DLG2: variants seen among roughly 807,000 people sequenced by gnomAD.
DLG2 encodes discs large MAGUK scaffold protein 2.
A neutral mutation model predicts 132.5 loss-of-function variants in DLG2; 45 were observed. That is an observed-to-expected ratio of 0.34 (90% CI 0.27 to 0.44). DLG2 has a LOEUF of 0.44. DLG2 is among the 20% of genes least tolerant of loss of function. The pLI, the probability that DLG2 is intolerant of heterozygous loss-of-function variation, is 1.00. For synonymous variants in DLG2, 424 were observed against 419.6 expected (o/e 1.01, Z -0.13); for missense variants, 1,045 against 1,196.9 (o/e 0.87, Z 1.87).
intron 6 of DLG2, among the ~76,000 whole-genome samples, chr11:84,714,599 TTCTCTTTCTC>T (rs2060910966): frequency 1.2e-5 from 1 of 83,554 alleles, no homozygotes; most frequent in Non-Finnish European, 2.3e-5. Flanking sequence ...TTCTCTTTCT[TTCTCTTTCTC>T]TTTCTCTTTC....
At chr11:84,513,468 G>C (rs1051370405) in intron 7 of DLG2, among the ~76,000 whole-genome samples, 1 of 151,932 alleles carries the variant, frequency 6.6e-6, no homozygotes, top group Admixed American at 6.6e-5. Context: ...AAAAAAGCAT[G>C]GTATTGGCAT....
At chr11:85,070,357 T>C (rs1372300717) in intron 6 of DLG2, among the ~76,000 whole-genome samples, 1 of 151,188 alleles carries the variant, frequency 6.6e-6, no homozygotes, top group African/African-American at 2.4e-5. Context: ...TACACTCTTA[T>C]ATTGACTGCA....
chr11:84,732,311 A>T (rs953902569), intron 6 of DLG2, among the ~76,000 whole-genome samples: 2 of 151,988 alleles, frequency 1.3e-5, no homozygotes, highest in African/African-American at 4.8e-5. Context: ...AACCTGATGA[A>T]TATGTGTTTA....
intron 19 of DLG2, among the ~76,000 whole-genome samples, chr11:83,601,619 CT>C (rs1216459604): frequency 1.5e-5 from 2 of 134,234 alleles, no homozygotes; most frequent in Non-Finnish European, 3.1e-5. Context: ...TTAAACCATT[CT>C]TCCACCTCGG....
intron 11 of DLG2, among the ~76,000 whole-genome samples, chr11:83,989,355 AG>A (rs2093568335): frequency 2.6e-5 from 4 of 152,178 alleles, no homozygotes; most frequent in African/African-American, 9.6e-5. Flanking sequence ...TTTGTAATAA[AG>A]GAGTAAGTAT....
intron 7 of DLG2, among the ~76,000 whole-genome samples, chr11:84,255,174 T>G (rs910923720): frequency 6.6e-6 from 1 of 152,186 alleles, no homozygotes; most frequent in Non-Finnish European, 1.5e-5. Flanking sequence ...TGGCTCCTGA[T>G]TCTTTGTTCA....
At chr11:84,554,427 G>A (rs757440979) in intron 6 of DLG2, among the ~76,000 whole-genome samples, 1 of 152,072 alleles carries the variant, frequency 6.6e-6, no homozygotes, top group Non-Finnish European at 1.5e-5. Flanking sequence ...TTTCCTTCTA[G>A]TGGTGGTGAC....
At chr11:84,152,467 A>G (rs1237487208) in intron 9 of DLG2, among the ~76,000 whole-genome samples, 1 of 151,320 alleles carries the variant, frequency 6.6e-6, no homozygotes, top group African/African-American at 2.4e-5. Flanking sequence ...GCTCACTGCA[A>G]GCTCCACCTC....
At chr11:84,650,876 T>TACATAC (rs1565561304) in intron 6 of DLG2, among the ~76,000 whole-genome samples, 1 of 63,900 alleles carries the variant, frequency 1.6e-5, no homozygotes, top group Non-Finnish European at 3.0e-5. Context: ...TGTGTGTGTA[T>TACATAC]ATATATATAT....
intron 4 of DLG2, among the ~76,000 whole-genome samples, chr11:85,202,364 T>C (rs1486714817): frequency 2.0e-5 from 3 of 152,114 alleles, no homozygotes; most frequent in Non-Finnish European, 4.4e-5. Context: ...AATAGCCAAG[T>C]ATATAAAGCA....
intron 18 of DLG2, among the ~76,000 whole-genome samples, chr11:83,721,295 G>A (rs965166271): frequency 1.3e-5 from 2 of 152,052 alleles, no homozygotes; most frequent in African/African-American, 4.8e-5. Context: ...TATTTGCATG[G>A]TTCCAATATG....
intron 7 of DLG2, among the ~76,000 whole-genome samples, chr11:84,338,891 C>T (rs904479216): frequency 2.0e-5 from 3 of 152,020 alleles, no homozygotes; most frequent in Admixed American, 2.0e-4. Flanking sequence ...ACATGATAAT[C>T]CTTAACATGT....
At chr11:84,894,390 T>C (rs981649234) in intron 6 of DLG2, among the ~76,000 whole-genome samples, 16 of 152,166 alleles carry the variant, frequency 1.1e-4, no homozygotes, top group African/African-American at 3.9e-4. Flanking sequence ...TCAAGCTTCA[T>C]GAATTGCCAT....
At chr11:85,373,069 T>C (rs993504528) in intron 3 of DLG2, among the ~76,000 whole-genome samples, 3 of 152,144 alleles carry the variant, frequency 2.0e-5, no homozygotes, top group Non-Finnish European at 2.9e-5. Flanking sequence ...TCCTCCAAAC[T>C]GAAAAGAGTT....
intron 15 of DLG2, among the ~76,000 whole-genome samples, chr11:83,891,397 C>T (rs572105222): frequency 7.2e-5 from 11 of 152,190 alleles, no homozygotes; most frequent in Middle Eastern, 3.4e-3. Context: ...GACCTTAAAG[C>T]CCTAAACATG....
At chr11:85,322,043 C>A (rs1565320841) in intron 3 of DLG2, among the ~76,000 whole-genome samples, 2 of 152,158 alleles carry the variant, frequency 1.3e-5, no homozygotes, top group East Asian at 3.9e-4. Context: ...TCATTATATT[C>A]AGTAATATTC....
intron 3 of DLG2, among the ~76,000 whole-genome samples, chr11:85,524,564 C>T (rs2074594013): frequency 6.6e-6 from 1 of 152,124 alleles, no homozygotes; most frequent in Non-Finnish European, 1.5e-5. Context: ...ATGATCCCAG[C>T]TCACAGCAGC....
At chr11:85,444,806 A>G (rs1322875848) in intron 3 of DLG2, among the ~76,000 whole-genome samples, 5 of 152,212 alleles carry the variant, frequency 3.3e-5, no homozygotes, top group African/African-American at 1.2e-4. Context: ...GTACAAAAGT[A>G]ATTGTGGTTC....
intron 7 of DLG2, among the ~76,000 whole-genome samples, chr11:84,353,360 C>T (rs1444159486): frequency 6.6e-6 from 1 of 152,078 alleles, no homozygotes. Flanking sequence ...TGCAGTGTTC[C>T]CTCCCTTGGT....
Sources: gnomAD v4.1 joint callset for allele counts (sites outside exome capture counted in the v4.1 genomes callset) on GRCh38, gnomAD v4.1.1 for gene constraint, MANE v1.5 for transcripts, NCBI Gene and HGNC (gene_info 2026-07-23, HGNC 2026-07-21) for gene names.